DOK6: variants seen among roughly 807,000 people sequenced by gnomAD.
DOK6 encodes downstream of tyrosine kinase 6.
In DOK6, 22 loss-of-function variants were observed where a neutral mutation model predicts 44.0. The ratio of observed to expected loss-of-function variants is 0.50; its 90% CI spans 0.36 to 0.71. The LOEUF (loss-of-function observed/expected upper bound fraction) is 0.71. Among genes scored for constraint, DOK6 ranks in the 30% least tolerant of loss-of-function variants. The probability of loss-of-function intolerance (pLI) is 0.00; values close to 1 mark genes in which losing one functional copy is unlikely to be tolerated. For synonymous variants in DOK6, 166 were observed against 145.5 expected (o/e 1.14, Z -1.01); for missense variants, 340 against 416.4 (o/e 0.82, Z 1.60).
intron 7 of DOK6, among the ~76,000 whole-genome samples, chr18:69,773,120 T>C (rs1979937503): frequency 6.6e-6 from 1 of 151,878 alleles, no homozygotes. Context: ...AGCAGGGAAA[T>C]GCAAATCAAA....
intron 7 of DOK6, among the ~76,000 whole-genome samples, chr18:69,810,031 G>A (rs1435971722): frequency 2.6e-5 from 4 of 151,798 alleles, no homozygotes; most frequent in Non-Finnish European, 5.9e-5. Context: ...CCAAAGTAAT[G>A]TTGAACAAAA....
intron 6 of DOK6, among the ~76,000 whole-genome samples, chr18:69,742,782 TC>T (rs2051140053): frequency 6.6e-6 from 1 of 152,238 alleles, no homozygotes; most frequent in Admixed American, 6.5e-5. Context: ...GTCCTTTGAC[TC>T]CTTGAAATAT....
intron 1 of DOK6, among the ~76,000 whole-genome samples, chr18:69,441,105 A>G (rs1405209625): frequency 5.3e-5 from 8 of 152,088 alleles, no homozygotes; most frequent in Non-Finnish European, 1.0e-4. Flanking sequence ...GTGTGTGTGT[A>G]TGGTTTTGTA....
intron 4 of DOK6, among the ~76,000 whole-genome samples, chr18:69,690,089 G>A (rs1986232088): frequency 6.6e-6 from 1 of 152,024 alleles, no homozygotes; most frequent in Admixed American, 6.6e-5. Flanking sequence ...TTGCTGCCAT[G>A]AACATGCTTT....
intron 1 of DOK6, among the ~76,000 whole-genome samples, chr18:69,493,487 G>A (rs558975918): frequency 6.6e-5 from 10 of 151,888 alleles, no homozygotes; most frequent in African/African-American, 1.9e-4. Context: ...CAAACTCTGG[G>A]AGTGGAACAC....
At chr18:69,763,155 T>C (rs1979615934) in intron 7 of DOK6, among the ~76,000 whole-genome samples, 1 of 152,178 alleles carries the variant, frequency 6.6e-6, no homozygotes, top group African/African-American at 2.4e-5. Context: ...AAGGGAATAA[T>C]TAGCTTCTAA....
intron 5 of DOK6, among the ~76,000 whole-genome samples, chr18:69,715,294 T>TA (rs1986857785): frequency 6.6e-6 from 1 of 152,156 alleles, no homozygotes; most frequent in South Asian, 2.1e-4. Flanking sequence ...CCTGGCAAAA[T>TA]GTAAGCACAC....
chr18:69,431,897 A>G (rs1427170430), intron 1 of DOK6, among the ~76,000 whole-genome samples: 1 of 152,226 alleles, frequency 6.6e-6, no homozygotes, highest in East Asian at 1.9e-4. Context: ...GCATTCCCTT[A>G]TGTTAATATC....
intron 7 of DOK6, among the ~76,000 whole-genome samples, chr18:69,839,907 C>A (rs1447184538): frequency 6.6e-6 from 1 of 152,184 alleles, no homozygotes; most frequent in African/African-American, 2.4e-5. Flanking sequence ...GCAACAGAAT[C>A]CAGGACATAG....
rs145039276 is a variant in DOK6 at position 69,431,565 on chromosome 18, C to T, written c.66+30255C>T. Among the ~76,000 whole-genome samples, 556 of 152,252 alleles carry T rather than the reference C, an allele frequency of 3.7e-3. 4 individuals carry two copies. Among genetic ancestry groups the T allele is most frequent in the Non-Finnish European group, 6.7e-3 (457 of 68,016 alleles). On this transcript the variant is annotated intron_variant, in intron 1 of 7. Transcript: ENST00000382713. The stretch of plus-strand genomic sequence containing the variant: ...AGCTTATCTTTGGGAGAAAGGGTGA[C>T]TCCTGTTAACTTTGCATCGGGCGCT...
At chr18:69,838,734 A>G (rs1982120774) in intron 7 of DOK6, among the ~76,000 whole-genome samples, 2 of 151,708 alleles carry the variant, frequency 1.3e-5, no homozygotes, top group African/African-American at 4.9e-5. Context: ...CCTACTTCTA[A>G]CCTCTAACTA....
At chr18:69,806,698 A>G (rs1981060414) in intron 7 of DOK6, among the ~76,000 whole-genome samples, 1 of 151,962 alleles carries the variant, frequency 6.6e-6, no homozygotes, top group Admixed American at 6.6e-5. Context: ...AGGGATCAAT[A>G]TTTTACAAGG....
chr18:69,419,422 A>C (rs1003333891), intron 1 of DOK6, among the ~76,000 whole-genome samples: 1 of 152,196 alleles, frequency 6.6e-6, no homozygotes, highest in East Asian at 1.9e-4. Context: ...TGACAGCTTA[A>C]TGTCAGTATC....
At chr18:69,505,179 C>T (rs375468126) in intron 1 of DOK6, among the ~76,000 whole-genome samples, 11 of 152,266 alleles carry the variant, frequency 7.2e-5, no homozygotes, top group African/African-American at 2.6e-4. Flanking sequence ...TAGGGTTTTC[C>T]TTTTGTCAGG....
At chr18:69,584,871 T>A (rs1235587211) in intron 2 of DOK6, among the ~76,000 whole-genome samples, 3 of 152,150 alleles carry the variant, frequency 2.0e-5, no homozygotes, top group Admixed American at 1.3e-4. Flanking sequence ...TATATAGTTG[T>A]TTAGAAGCTG....
In DOK6 at chr18:69,657,401, C is replaced by A. The variant is rs186160072; in HGVS notation, c.290-20333C>A. On this transcript the variant is annotated intron_variant, in intron 3 of 7. Transcript: ENST00000382713. ...TGCCCTGAGACTGGGATGGAAGCTACCCCTTCAGCCTGGTCCCAGAATGAG... is the reference window on the plus strand; with the variant it reads ...TGCCCTGAGACTGGGATGGAAGCTAACCCTTCAGCCTGGTCCCAGAATGAG... 1.1e-3 allele frequency among the ~76,000 whole-genome samples: 164 copies of A among 152,288 alleles called. 1 individual carries two copies. The highest frequency in any genetic ancestry group is 6.8e-3 in the Middle Eastern group (2 of 294).
At chr18:69,539,413 T>TA (rs905416811) in intron 1 of DOK6, among the ~76,000 whole-genome samples, 6 of 150,080 alleles carry the variant, frequency 4.0e-5, no homozygotes, top group African/African-American at 9.7e-5. Context: ...TTTGTGAAGA[T>TA]AAAAAAAAGT....
At chr18:69,676,632 A>T (rs752934984) in intron 3 of DOK6, among the ~76,000 whole-genome samples, 1 of 152,234 alleles carries the variant, frequency 6.6e-6, no homozygotes, top group Non-Finnish European at 1.5e-5. Context: ...GCAGACGTCA[A>T]TGGAAAGTTC....
intron 6 of DOK6, among the ~76,000 whole-genome samples, chr18:69,747,697 C>T (rs929773238): frequency 7.2e-5 from 11 of 152,118 alleles, no homozygotes; most frequent in Middle Eastern, 3.4e-3. Flanking sequence ...TGAGATTTAC[C>T]TTGAGCAAAT....
Sources: allele counts gnomAD v4.1 joint callset (sites outside exome capture counted in the v4.1 genomes callset), GRCh38; gene constraint gnomAD v4.1.1; transcripts MANE v1.5; gene names NCBI Gene and HGNC (gene_info 2026-07-23, HGNC 2026-07-21).